Variants in SAMD12 observed in about 807,000 individuals in gnomAD.
SAMD12 encodes the protein sterile alpha motif domain-containing protein 12.
Under a neutral mutation model 15.0 loss-of-function variants are expected in SAMD12, and 9 were observed. The observed-to-expected ratio is 0.60, with a 90% CI of 0.36 to 1.05. The LOEUF (loss-of-function observed/expected upper bound fraction) is 1.05, where lower values mean the gene tolerates loss of function less well. Ranked by LOEUF, SAMD12 falls within the 50% of genes least tolerant of loss-of-function variation. SAMD12 has a pLI of 0.01. For synonymous variants in SAMD12, 86 were observed against 90.1 expected, an observed-to-expected ratio of 0.96 and a Z score of 0.25; for missense variants, 230 against 234.2, an observed-to-expected ratio of 0.98 and a Z score of 0.12.
chr8:118,369,181 T>G (rs1818952475), intron 4 of SAMD12, among the ~76,000 whole-genome samples: 1 of 152,132 alleles, frequency 6.6e-6, no homozygotes, highest in Non-Finnish European at 1.5e-5. Flanking sequence ...AACAAAGTGC[T>G]AAGAAATGCA....
At chr8:118,327,948 G>T (rs1008627758) in intron 4 of SAMD12, among the ~76,000 whole-genome samples, 5 of 152,192 alleles carry the variant, frequency 3.3e-5, no homozygotes, top group Non-Finnish European at 5.9e-5. Context: ...AATGCAGACT[G>T]TGGGTGACAT....
intron 4 of SAMD12, among the ~76,000 whole-genome samples, chr8:118,274,403 C>G (rs1813428026): frequency 1.3e-5 from 2 of 152,106 alleles, no homozygotes; most frequent in Admixed American, 1.3e-4. Flanking sequence ...AATGTGTATT[C>G]CATCCACATT....
At chr8:118,354,820 G>A (rs949333840) in intron 4 of SAMD12, among the ~76,000 whole-genome samples, 1 of 152,172 alleles carries the variant, frequency 6.6e-6, no homozygotes, top group Non-Finnish European at 1.5e-5. Flanking sequence ...AATCACATTT[G>A]CAGAGTCCAG....
chr8:118,411,717 T>C (rs768243725), intron 3 of SAMD12, among the ~76,000 whole-genome samples: 3 of 152,078 alleles, frequency 2.0e-5, no homozygotes, highest in Non-Finnish European at 4.4e-5. Context: ...ATTGAAAGAG[T>C]ATACTGACAG....
At chr8:118,510,588 C>T (rs1825051737) in intron 2 of SAMD12, among the ~76,000 whole-genome samples, 1 of 152,166 alleles carries the variant, frequency 6.6e-6, no homozygotes, top group African/African-American at 2.4e-5. Flanking sequence ...CAAGTGAAGG[C>T]AACACCCTCC....
At chr8:118,442,452 C>T (rs1464713329) in intron 2 of SAMD12, among the ~76,000 whole-genome samples, 1 of 152,332 alleles carries the variant, frequency 6.6e-6, no homozygotes, top group East Asian at 1.9e-4. Flanking sequence ...GCCATTTTCC[C>T]TCTAACATCT....
intron 3 of SAMD12, among the ~76,000 whole-genome samples, chr8:118,395,450 T>C (rs561136401): frequency 5.6e-4 from 86 of 152,250 alleles, no homozygotes; most frequent in Non-Finnish European, 8.8e-4. Context: ...CCACTAAAAA[T>C]TTCATGAATT....
At chr8:118,376,092 CAGTTA>C (rs1202718576), downstream of SAMD12, among the ~76,000 whole-genome samples, 1 of 152,128 alleles carries the variant, frequency 6.6e-6, no homozygotes, top group Admixed American at 6.6e-5. Context: ...TCAAGATGGA[CAGTTA>C]AGTTGTTTCC....
chr8:118,584,963 A>ACG (rs1563597827), intron 1 of SAMD12, among the ~76,000 whole-genome samples: 6 of 151,896 alleles, frequency 4.0e-5, no homozygotes, highest in Admixed American at 2.0e-4. Context: ...ACAAACACAC[A>ACG]CACACAAACT....
chr8:118,386,796 A>C (rs952205569), intron 3 of SAMD12, among the ~76,000 whole-genome samples: 1 of 152,208 alleles, frequency 6.6e-6, no homozygotes, highest in Non-Finnish European at 1.5e-5. Flanking sequence ...CAACTTTTCA[A>C]GATAAATGAC....
exon 5 of SAMD12, chr8:118,192,323 T>A (rs1819428921): frequency 6.6e-6 from 1 of 152,202 alleles, no homozygotes; most frequent in South Asian, 2.1e-4. Flanking sequence ...TCTGTGCTAA[T>A]GTGGCAAAAG....
chr8:118,583,900 G>C (rs948626957), intron 1 of SAMD12, among the ~76,000 whole-genome samples: 2 of 152,182 alleles, frequency 1.3e-5, no homozygotes, highest in African/African-American at 4.8e-5. Flanking sequence ...CTGGAAGGCA[G>C]GTACCATCTG....
chr8:118,428,790 T>C lies in SAMD12; in HGVS notation c.322+11042A>G, dbSNP rs369179354. Among the ~76,000 whole-genome samples, 65 of 152,330 alleles carry C rather than the reference T, an allele frequency of 4.3e-4. No individual in the cohort carries two copies. In the Middle Eastern group the frequency reaches 0.01, roughly 24 times the overall value. On this transcript the variant is annotated intron_variant, in intron 3 of 3. Transcript: ENST00000314727. The stretch of plus-strand genomic sequence containing the variant: ...ATGGAATTTCTATTTTGTTCTACTA[T>C]TATAATCTACAAGTTAGTCTTTATT...
At chr8:118,169,806 T>G in the SAMD12 span, among the ~76,000 whole-genome samples, 1 of 152,238 alleles carries the variant, frequency 6.6e-6, no homozygotes, top group Non-Finnish European at 1.5e-5. Context: ...TCAGCAAAGC[T>G]GTCTAGAGGC....
intron 4 of SAMD12, among the ~76,000 whole-genome samples, chr8:118,202,094 C>T (rs1271152968): frequency 6.6e-6 from 1 of 152,156 alleles, no homozygotes; most frequent in African/African-American, 2.4e-5. Context: ...AAATAGCAGT[C>T]ATAATTCCTG....
chr8:118,619,974 C>T (rs779927608), intron 1 of SAMD12, among the ~76,000 whole-genome samples: 3 of 152,106 alleles, frequency 2.0e-5, no homozygotes, highest in Non-Finnish European at 4.4e-5. Context: ...TTCTTTGAGA[C>T]CTCATTGTGA....
intron 1 of SAMD12, 30 bp downstream of exon 1, chr8:118,621,774 G>A (rs780553372): frequency 6.2e-7 from 1 of 1,613,112 alleles, no homozygotes; most frequent in South Asian, 1.1e-5. Context: ...GGTTAAGAGG[G>A]AGCTTAAAAA....
chr8:118,496,037 A>G (rs1824599297), intron 2 of SAMD12, among the ~76,000 whole-genome samples: 1 of 152,200 alleles, frequency 6.6e-6, no homozygotes, highest in Non-Finnish European at 1.5e-5. Context: ...TAAGAATGAC[A>G]AAACACTGCT....
intron 4 of SAMD12, among the ~76,000 whole-genome samples, chr8:118,357,356 GCCTCCT>G (rs1563791150): frequency 6.6e-6 from 1 of 152,112 alleles, no homozygotes; most frequent in Admixed American, 6.5e-5. Flanking sequence ...TTGTGCCTCA[GCCTCCT>G]GAGTAGCTGG....
Sources: gnomAD v4.1 joint callset for allele counts (sites outside exome capture counted in the v4.1 genomes callset) on GRCh38, gnomAD v4.1.1 for gene constraint, MANE v1.5 for transcripts, NCBI Gene and HGNC (gene_info 2026-07-23, HGNC 2026-07-21) for gene names.